The following RHOXF2 variants were observed in gnomAD, a reference collection of about 807,000 sequenced individuals.
RHOXF2 encodes the protein PEPP subfamily gene 2.
In RHOXF2, 2 loss-of-function variants were observed where a neutral mutation model predicts 9.3. That is an observed-to-expected ratio of 0.22 (90% CI 0.09 to 0.68). The LOEUF (loss-of-function observed/expected upper bound fraction) is 0.68. RHOXF2 is among the 30% of genes least tolerant of loss of function. RHOXF2 has a pLI of 0.82. For missense variants in RHOXF2, 27 were observed against 140.0 expected (o/e 0.19, Z 4.07); for synonymous variants, 15 against 63.3 (o/e 0.24, Z 3.62).
At chrX:120,161,726 G>A (rs1179803089) in intron 3 of RHOXF2, among the ~76,000 whole-genome samples, 1 of 104,730 alleles carries the variant, frequency 9.5e-6, no homozygotes, top group Admixed American at 1.0e-4. Flanking sequence ...GACAAAACGG[G>A]GCACTGAGTG....
At position 120,159,182 on chromosome X, in the gene RHOXF2, G is replaced by A. The variant is rs145501005; in HGVS notation, c.247G>A (p.Ala83Thr). 1,118 of 1,205,624 alleles carry A rather than the reference G, an allele frequency of 9.3e-4. 30 individuals are homozygous for A. In the African/African-American group the frequency reaches 0.015, roughly 16 times the overall value. ...GGGEEKDGGGAGVPGHLWEGD... is the reference protein window; with the variant it reads ...GGGEEKDGGGTGVPGHLWEGD... ...CGGAGAAGAAAAAGATGGCGGCGGC[G>A]CCGGAGTTCCTGGCCACCTATGGGA... The change falls in exon 2 of 4, where the codon GCC becomes ACC. Residue 83 changes from alanine (A) to threonine (T), a missense_variant. Around this residue, in one of 2 missense-constraint regions of RHOXF2, gnomAD observed 27 missense variants for 110.4 expected, o/e 0.24. Transcript: ENST00000371388.
Position 120,159,249 on chromosome X carries a change from A to C in RHOXF2, c.314A>C (p.Glu105Ala). The C allele has an allele frequency of 1.7e-6, 2 of 1,209,505 alleles. No individual in the cohort carries two copies. Among genetic ancestry groups the C allele is most frequent in the South Asian group, 1.8e-5 (1 of 56,681 alleles). ...ACCAGCGGCAGCGATGGCAACGTTG[A>C]GGACAGCGACCAGAGCGAGAAGGAA... is the stretch of plus-strand genomic sequence containing the variant. Reference protein sequence around the residue: ...EGTSGSDGNVEDSDQSEKEPG... With the variant: ...EGTSGSDGNVADSDQSEKEPG... Residue 105 changes from glutamate (E) to alanine (A), a missense_variant, in exon 2 of 4, where the codon GAG becomes GCG. Around this residue, in one of 2 missense-constraint regions of RHOXF2, gnomAD observed 27 missense variants for 110.4 expected, o/e 0.24. Transcript: ENST00000371388.
In RHOXF2 at chrX:120,165,224, C is replaced by T. The variant is rs1412325336; in HGVS notation, c.*1437C>T. The T allele has an allele frequency of 4.1e-5, 3 of 73,546 alleles. No homozygotes were observed. Among genetic ancestry groups the T allele is most frequent in the Non-Finnish European group, 7.0e-5 (3 of 43,064 alleles). The allele number at this position is 73,546 out of a possible 1,213,427, so 6.1% of individuals were successfully genotyped here. On this transcript the variant is annotated 3_prime_UTR_variant, in exon 4 of 4. Coordinates refer to ENST00000371388, the MANE Select transcript of RHOXF2 (RefSeq NM_032498.3). Reference sequence around the variant, plus strand: ...ATAAAATTTTTACACCATCAAAAGACATTTTTAGCCATATATGTTTCCTTT... The same window carrying T: ...ATAAAATTTTTACACCATCAAAAGATATTTTTAGCCATATATGTTTCCTTT...
At chrX:120,161,524 TTTTA>T (rs1343479899) in intron 3 of RHOXF2, among the ~76,000 whole-genome samples, 1 of 97,741 alleles carries the variant, frequency 1.0e-5, no homozygotes, top group Non-Finnish European at 2.1e-5. Flanking sequence ...TGAAATACCT[TTTTA>T]TTTATTTGCT....
At position 120,164,878 on chromosome X, in the gene RHOXF2, T is replaced by G; in HGVS notation, c.*1091T>G. On this transcript the variant is annotated 3_prime_UTR_variant, in exon 4 of 4. Coordinates refer to ENST00000371388, the MANE Select transcript of RHOXF2 (RefSeq NM_032498.3). ...CATTAATGCATGCCTCTTGGCCAAG[T>G]GGATTCTTTTTTCTTCTCCGATTGA... 1 of 32,657 alleles carries G rather than the reference T, an allele frequency of 3.1e-5. No individual in the cohort carries two copies. The highest frequency in any genetic ancestry group is 4.7e-5 in the Non-Finnish European group (1 of 21,387). 2.7% of individuals were successfully genotyped at this position (32,657 alleles called of 1,213,427 possible).
In RHOXF2 at chrX:120,159,364, A is replaced by G. The variant is rs147065169; in HGVS notation, c.429A>G (p.Pro143=). 23 of 1,209,591 alleles carry G rather than the reference A, an allele frequency of 1.9e-5. No individual in the cohort carries two copies. The African/African-American group carries it at 3.3e-4, about 17-fold the overall frequency. Residue 143 remains proline, a synonymous_variant, in exon 2 of 4, where the codon CCA becomes CCG. Coordinates refer to ENST00000371388, the MANE Select transcript of RHOXF2 (RefSeq NM_032498.3). ...AQQPNVHAFT[P]LQLQELERIF... ...AGCCCAACGTCCACGCCTTCACCCC[A>G]TTGCAGCTGCAGGAGCTGGAGCGCA...
chrX:120,158,932 C>CA, intron 1 of RHOXF2, 83 bp from the exon 2 acceptor site: 1 of 512,062 alleles, frequency 2.0e-6, no homozygotes. Flanking sequence ...CCACTGCTCT[C>CA]AGAGTGTAGC....
chrX:120,163,168 TCCCACTCATCA>T, intron 3 of RHOXF2, among the ~76,000 whole-genome samples: 1 of 99,281 alleles, frequency 1.0e-5, no homozygotes, highest in Non-Finnish European at 2.1e-5. Flanking sequence ...AGGGATCGAG[TCCCACTCATCA>T]GCTACACCTG....
Position 120,159,251 on chromosome X carries a change from G to A in RHOXF2, c.316G>A (p.Asp106Asn), listed in dbSNP as rs782600317. The stretch of plus-strand genomic sequence containing the variant: ...CAGCGGCAGCGATGGCAACGTTGAG[G>A]ACAGCGACCAGAGCGAGAAGGAACC... ...GTSGSDGNVE[D>N]SDQSEKEPGQ... Residue 106 changes from aspartate to asparagine, a missense_variant, in exon 2 of 4, where the codon GAC becomes AAC. By Grantham distance (23) the Asp-to-Asn change is conservative (BLOSUM62 1). This residue lies in a region of RHOXF2 where 27 missense variants were observed against 110.4 expected (regional missense o/e 0.24). Transcript: ENST00000371388. 28 of 1,209,694 alleles carry A rather than the reference G, an allele frequency of 2.3e-5. No homozygotes were observed. The South Asian group carries it at 4.6e-4, about 20-fold the overall frequency.
chrX:120,163,697 GCTT>G lies in RHOXF2; in HGVS notation c.782_784del (p.Leu261del). On this transcript the variant is annotated inframe_deletion, in exon 4 of 4. Coordinates refer to ENST00000371388, the MANE Select transcript of RHOXF2 (RefSeq NM_032498.3). ...CTCCGTCCTTGCCCCTTCCACTCAT[GCTT>G]CTTCCACCTATGCCACCCGCTGGCC... The G allele has an allele frequency of 1.5e-5, 3 of 203,519 alleles. No individual in the cohort carries two copies. Among genetic ancestry groups the G allele is most frequent in the Non-Finnish European group, 2.4e-5 (3 of 122,554 alleles). 16.8% of individuals were successfully genotyped at this position (203,519 alleles called of 1,213,427 possible). A position where few individuals can be genotyped will look rare whatever the true frequency, so the allele number is the denominator to read the frequency against.
At position 120,165,077 on chromosome X, in the gene RHOXF2, T is replaced by C. The variant is rs1158809182; in HGVS notation, c.*1290T>C. ...TTCCTGCTCATTATTTTGTTTTTTC[T>C]ACATTCAGACTGAAACATTTGGTAG... On this transcript the variant is annotated 3_prime_UTR_variant, in exon 4 of 4. Transcript: ENST00000371388. 1.1e-5 allele frequency: 1 copy of C among 94,441 alleles called. No homozygotes were observed. The highest frequency in any genetic ancestry group is 2.0e-5 in the Non-Finnish European group (1 of 48,839). The allele number at this position is 94,441 out of a possible 1,213,427, so 7.8% of individuals were successfully genotyped here.
chrX:120,159,396 A>C lies in RHOXF2; in HGVS notation c.461A>C (p.Gln154Pro), dbSNP rs781941338. The C allele has an allele frequency of 1.7e-6, 2 of 1,210,568 alleles. No individual in the cohort carries two copies. The change falls in exon 2 of 4, where the codon CAA becomes CCA. Residue 154 changes from glutamine (Q) to proline (P), a missense_variant. This residue lies in a region of RHOXF2 where 27 missense variants were observed against 110.4 expected (regional missense o/e 0.24). Coordinates refer to ENST00000371388, the MANE Select transcript of RHOXF2 (RefSeq NM_032498.3). ...CTGCAGGAGCTGGAGCGCATTTTCC[A>C]ACGCGAGCAGTTCCCCAGTGAGTTC... is the stretch of plus-strand genomic sequence containing the variant. ...LQLQELERIF[Q>P]REQFPSEFLR...
intron 1 of RHOXF2, 29 bp from the exon 2 acceptor site, chrX:120,158,974 CCAATGCCTTGAT>C (rs2057399276): frequency 1.3e-6 from 1 of 781,483 alleles, no homozygotes; most frequent in East Asian, 3.5e-5. Flanking sequence ...ACCCTCAGGA[CCAATGCCTTGAT>C]CTTTCTCTTG....
intron 3 of RHOXF2, among the ~76,000 whole-genome samples, chrX:120,161,813 A>AATTGCCTTTCCCCTCCCTGGGTTTAC (rs1556004894): frequency 3.1e-5 from 3 of 96,933 alleles, no homozygotes; most frequent in Non-Finnish European, 6.3e-5. Flanking sequence ...CGTTTTGGTG[A>AATTGCCTTTCCCCTCCCTGGGTTTAC]ATTGCCTTTC....
intron 3 of RHOXF2, among the ~76,000 whole-genome samples, chrX:120,160,674 AAT>A (rs1466855284): frequency 4.3e-5 from 2 of 46,685 alleles, no homozygotes; most frequent in African/African-American, 3.3e-4. Context: ...TTGTGTATAA[AAT>A]ATATTATACA....
At position 120,165,392 on chromosome X, in the gene RHOXF2, GA is replaced by G; in HGVS notation, c.*1608del. On this transcript the variant is annotated 3_prime_UTR_variant, in exon 4 of 4. Transcript: ENST00000371388. ...TCAAAGCAGAGTTCTTGGACCTTAA[GA>G]AATTCAAATTCGTAGAATTATAGTT... 1 of 97,281 alleles carries G rather than the reference GA, an allele frequency of 1.0e-5. No individual in the cohort carries two copies. Among genetic ancestry groups the G allele is most frequent in the Non-Finnish European group, 2.0e-5 (1 of 49,050 alleles). The allele number at this position is 97,281 out of a possible 1,213,427, so 8.0% of individuals were successfully genotyped here. A position where few individuals can be genotyped will look rare whatever the true frequency, so the allele number is the denominator to read the frequency against.
chrX:120,163,796 CT>C lies in RHOXF2; in HGVS notation c.*10del. On this transcript the variant is annotated 3_prime_UTR_variant, in exon 4 of 4. Transcript: ENST00000371388. ...CATTCCCCAATGTCTAAGGGATAGCCTCTGTGCCACTTTTTGCCAGAGTGTC... is the reference window on the plus strand; with the variant it reads ...CATTCCCCAATGTCTAAGGGATAGCCCTGTGCCACTTTTTGCCAGAGTGTC... 1.5e-5 allele frequency: 1 copy of C among 68,555 alleles called. No homozygotes were observed. Among genetic ancestry groups the C allele is most frequent in the Non-Finnish European group, 2.4e-5 (1 of 42,472 alleles). The allele number at this position is 68,555 out of a possible 1,213,427, so 5.6% of individuals were successfully genotyped here.
Position 120,159,179 on chromosome X carries a change from G to A in RHOXF2, c.244G>A (p.Gly82Ser), listed in dbSNP as rs140341265. 136 of 1,205,557 alleles carry A rather than the reference G, an allele frequency of 1.1e-4. No individual in the cohort carries two copies. The South Asian group carries it at 1.6e-3, about 14-fold the overall frequency. ...CGGCGGAGAAGAAAAAGATGGCGGCGGCGCCGGAGTTCCTGGCCACCTATG... is the reference window on the plus strand; with the variant it reads ...CGGCGGAGAAGAAAAAGATGGCGGCAGCGCCGGAGTTCCTGGCCACCTATG... ...DGGGEEKDGG[G>S]AGVPGHLWEG... is the part of the protein sequence containing the mutation. The change falls in exon 2 of 4, where the codon GGC (glycine) becomes AGC (serine). Residue 82 changes from glycine (G) to serine (S), a missense_variant. By Grantham distance (56) the Gly-to-Ser change is moderately conservative. This residue lies in a region of RHOXF2 where 27 missense variants were observed against 110.4 expected (regional missense o/e 0.24). Coordinates refer to ENST00000371388, the MANE Select transcript of RHOXF2 (RefSeq NM_032498.3).
At chrX:120,160,285 TA>T in intron 2 of RHOXF2, 72 bp from the exon 3 acceptor site, 1 of 155,018 alleles carries the variant, frequency 6.5e-6, no homozygotes. Context: ...GTTGGTAGAA[TA>T]AAAAAATTAA....
Sources: allele counts gnomAD v4.1 joint callset (sites outside exome capture counted in the v4.1 genomes callset), GRCh38; gene constraint gnomAD v4.1.1; regional missense constraint gnomAD v4.1.1; transcripts MANE v1.5; gene names NCBI Gene and HGNC (gene_info 2026-07-23, HGNC 2026-07-21).